Variants in PTPRD observed in about 807,000 individuals in gnomAD.
PTPRD encodes receptor-type tyrosine-protein phosphatase delta.
A neutral mutation model predicts 214.5 loss-of-function variants in PTPRD; 34 were observed. The observed-to-expected ratio is 0.16, with a 90% CI of 0.12 to 0.21. The LOEUF is 0.21. Ranked by LOEUF, PTPRD falls within the 10% of genes least tolerant of loss-of-function variation. PTPRD has a pLI of 1.00. For missense variants in PTPRD, 2,545 were observed against 2,398.7 expected, an observed-to-expected ratio of 1.06 and a Z score of -1.27; for synonymous variants, 1,128 against 845.7, an observed-to-expected ratio of 1.33 and a Z score of -5.79.
chr9:8,587,530 T>C (rs1473533953), intron 14 of PTPRD, among the ~76,000 whole-genome samples: 1 of 152,196 alleles, frequency 6.6e-6, no homozygotes, highest in Non-Finnish European at 1.5e-5. Context: ...TTGAGTAAAA[T>C]GAGTAAAATA....
chr9:10,022,579 C>T (rs1480398122), intron 4 of PTPRD, among the ~76,000 whole-genome samples: 3 of 151,988 alleles, frequency 2.0e-5, no homozygotes, highest in African/African-American at 7.3e-5. Flanking sequence ...AAAATAAGGC[C>T]AAAAGGCACT....
intron 11 of PTPRD, among the ~76,000 whole-genome samples, chr9:9,014,022 A>C (rs1295000808): frequency 7.6e-6 from 1 of 132,014 alleles, no homozygotes; most frequent in African/African-American, 2.7e-5. Context: ...TCTACTTGAT[A>C]TCTTCTGATG....
intron 10 of PTPRD, among the ~76,000 whole-genome samples, chr9:9,141,028 A>T (rs34590637): frequency 0.34 from 51,346 of 151,862 alleles, 9,268 homozygotes; most frequent in Non-Finnish European, 0.4. Flanking sequence ...ATGGAATTCA[A>T]GCTTGGTGTT....
At chr9:9,919,321 C>G (rs1283852346) in intron 5 of PTPRD, among the ~76,000 whole-genome samples, 1 of 152,094 alleles carries the variant, frequency 6.6e-6, no homozygotes, top group Non-Finnish European at 1.5e-5. Context: ...GAATTGGTGG[C>G]TTGGCCCAAA....
At chr9:10,062,590 G>C (rs556965481) in intron 3 of PTPRD, among the ~76,000 whole-genome samples, 3 of 152,164 alleles carry the variant, frequency 2.0e-5, no homozygotes, top group Admixed American at 6.6e-5. Flanking sequence ...TGGGCGAAAA[G>C]AGTGAAACTC....
chr9:9,261,281 G>T (rs576761544), intron 9 of PTPRD, among the ~76,000 whole-genome samples: 1 of 151,732 alleles, frequency 6.6e-6, no homozygotes, highest in African/African-American at 2.4e-5. Context: ...TCATTTTTTA[G>T]AATGTTTATT....
intron 12 of PTPRD, among the ~76,000 whole-genome samples, chr9:8,722,160 T>TGTGTGTGC (rs1015268099): frequency 2.1e-5 from 3 of 146,306 alleles, no homozygotes; most frequent in African/African-American, 8.2e-5. Context: ...TGTGTGTGTG[T>TGTGTGTGC]GTGTGTACAG....
intron 11 of PTPRD, among the ~76,000 whole-genome samples, chr9:9,003,576 T>G (rs2099434135): frequency 6.6e-6 from 1 of 152,036 alleles, no homozygotes; most frequent in Non-Finnish European, 1.5e-5. Flanking sequence ...GATGTCCTAA[T>G]TTAATGCCAG....
At chr9:8,758,652 CTTAA>C (rs911609298) in intron 11 of PTPRD, among the ~76,000 whole-genome samples, 7 of 151,984 alleles carry the variant, frequency 4.6e-5, no homozygotes, top group Admixed American at 6.6e-5. Context: ...GAATTTCTGA[CTTAA>C]TTGTCAATAT....
chr9:8,715,752 A>G (rs897505833), intron 12 of PTPRD, among the ~76,000 whole-genome samples: 2 of 152,252 alleles, frequency 1.3e-5, no homozygotes, highest in African/African-American at 4.8e-5. Context: ...TCAAGCAGCA[A>G]TCATGTTTCA....
chr9:9,157,459 C>G (rs1332954114), intron 10 of PTPRD, among the ~76,000 whole-genome samples: 2 of 151,952 alleles, frequency 1.3e-5, no homozygotes, highest in African/African-American at 2.4e-5. Context: ...GACAGAAATT[C>G]AAAGGATCAT....
chr9:9,166,729 A>C (rs2099904941), intron 10 of PTPRD, among the ~76,000 whole-genome samples: 1 of 152,140 alleles, frequency 6.6e-6, no homozygotes, highest in African/African-American at 2.4e-5. Flanking sequence ...TCTTAAAAAC[A>C]CCTTGGAGTT....
intron 14 of PTPRD, among the ~76,000 whole-genome samples, chr9:8,553,390 G>C (rs139192327): frequency 2.6e-5 from 4 of 152,216 alleles, no homozygotes; most frequent in Non-Finnish European, 4.4e-5. Context: ...CCCTGGCGTG[G>C]CGTGAAAACA....
At chr9:9,092,927 T>C (rs769958983) in intron 10 of PTPRD, among the ~76,000 whole-genome samples, 17 of 151,998 alleles carry the variant, frequency 1.1e-4, no homozygotes, top group South Asian at 2.1e-4. Context: ...CTCTATTATA[T>C]GCTATTGACA....
chr9:9,522,440 C>T (rs2097005201), intron 8 of PTPRD, among the ~76,000 whole-genome samples: 1 of 152,114 alleles, frequency 6.6e-6, no homozygotes. Context: ...AGAACGAAAA[C>T]AAGTAAGTTC....
chr9:8,524,478 T>C (rs779901321), intron 18 of PTPRD, among the ~76,000 whole-genome samples: 2 of 152,158 alleles, frequency 1.3e-5, no homozygotes, highest in Non-Finnish European at 2.9e-5. Context: ...CCTTACAGTT[T>C]CAGCAGCAGG....
intron 4 of PTPRD, among the ~76,000 whole-genome samples, chr9:10,013,612 T>C (rs1483376742): frequency 6.6e-6 from 1 of 151,602 alleles, no homozygotes; most frequent in Non-Finnish European, 1.5e-5. Flanking sequence ...CACAGATAAG[T>C]AATTGATGGC....
chr9:9,007,209 C>T (rs1229998543), intron 11 of PTPRD, among the ~76,000 whole-genome samples: 1 of 151,556 alleles, frequency 6.6e-6, no homozygotes, highest in Non-Finnish European at 1.5e-5. Flanking sequence ...ATACAGTAAT[C>T]TGTTTTAGGA....
intron 11 of PTPRD, among the ~76,000 whole-genome samples, chr9:8,949,022 G>C (rs939496716): frequency 2.6e-5 from 4 of 151,846 alleles, no homozygotes; most frequent in African/African-American, 9.7e-5. Context: ...TTAGGAGTTT[G>C]AGACCAGCCT....
Sources: allele counts gnomAD v4.1 joint callset (sites outside exome capture counted in the v4.1 genomes callset), GRCh38; gene constraint gnomAD v4.1.1; transcripts MANE v1.5; gene names NCBI Gene and HGNC (gene_info 2026-07-23, HGNC 2026-07-21).